Variants in PMS2 observed in about 807,000 individuals in gnomAD.
PMS2 encodes the protein mismatch repair endonuclease PMS2.
Under a neutral mutation model 90.0 loss-of-function variants are expected in PMS2, and 69 were observed. The observed-to-expected ratio is 0.77, with a 90% CI of 0.63 to 0.94. The LOEUF (loss-of-function observed/expected upper bound fraction) is 0.94, where lower values mean the gene tolerates loss of function less well. PMS2 is among the 40% of genes least tolerant of loss of function. PMS2 has a pLI of 0.00. For missense variants in PMS2, 966 were observed against 1,040.2 expected, an observed-to-expected ratio of 0.93 and a Z score of 0.98; for synonymous variants, 332 against 375.1, an observed-to-expected ratio of 0.89 and a Z score of 1.33.
In PMS2 at chr7:5,987,579, T is replaced by C. The variant is rs863224675; in HGVS notation, c.1186A>G (p.Met396Val). The C allele has an allele frequency of 6.2e-6, 10 of 1,611,580 alleles. No homozygotes were observed. Among genetic ancestry groups the C allele is most frequent in the African/African-American group, 1.3e-5 (1 of 74,870 alleles). The change falls in exon 11 of 15, where the codon ATG becomes GTG. Residue 396 changes from methionine (M) to valine (V), a missense_variant. Met to Val is a conservative substitution (Grantham distance 21, BLOSUM62 1). This residue lies in a region of PMS2 where 871 missense variants were observed against 802.4 expected (regional missense o/e 1.09). Transcript: ENST00000265849. ...KMHAADLEKP[M>V]VEKQDQSPSL... ...GGGGATTGATCCTGCTTTTCTACCA[T>C]GGGCTTTTCCAAATCCGCTGCATGC...
chr7:6,007,201 C>T (rs1170112974), intron 1 of PMS2, among the ~76,000 whole-genome samples: 4 of 151,968 alleles, frequency 2.6e-5, no homozygotes, highest in Non-Finnish European at 5.9e-5. Context: ...CTGCAACCTC[C>T]GCCTCCCAGG....
chr7:6,003,863 G>C (rs192841361), intron 3 of PMS2, 71 bp from the exon 4 acceptor site: 1 of 1,264,906 alleles, frequency 7.9e-7, no homozygotes, highest in East Asian at 2.3e-5. Context: ...ATGATATCTA[G>C]TAACTGGCTT....
chr7:6,003,715 C>A lies in PMS2; in HGVS notation c.328G>T (p.Ala110Ser), dbSNP rs767775907. The change falls in exon 4 of 15, where the codon GCT (alanine) becomes TCT (serine). Residue 110 changes from alanine to serine, a missense_variant. Ala to Ser is a moderately conservative substitution (Grantham distance 99, BLOSUM62 1). This residue lies in a region of PMS2 where 871 missense variants were observed against 802.4 expected (regional missense o/e 1.09). Transcript: ENST00000265849. ...CTCAGTGCACAAAGTGAGCTCAGAG[C>A]TTCCCCCCGAAAGCCAAAAGTTTCA... is the stretch of plus-strand genomic sequence containing the variant. The part of the protein sequence containing the change: ...QVETFGFRGE[A>S]LSSLCALSDV... 1.9e-6 allele frequency: 3 copies of A among 1,594,312 alleles called. No homozygotes were observed. Among genetic ancestry groups the A allele is most frequent in the Non-Finnish European group, 1.7e-6 (2 of 1,175,292 alleles).
intron 10 of PMS2, among the ~76,000 whole-genome samples, chr7:5,989,274 T>C (rs113187495): frequency 0.025 from 3,802 of 151,888 alleles, 87 homozygotes; most frequent in Middle Eastern, 0.13. Flanking sequence ...CTAATGACAA[T>C]ACAAACATTA....
At chr7:5,989,315 C>T (rs1051904657) in intron 10 of PMS2, among the ~76,000 whole-genome samples, 1 of 151,908 alleles carries the variant, frequency 6.6e-6, no homozygotes, top group Admixed American at 6.6e-5. Context: ...CCTGTAATCC[C>T]AGCTACTCAG....
chr7:5,986,820 T>C lies in PMS2; in HGVS notation c.1945A>G (p.Arg649Gly). ...SEGEQNYRKF[R>G]AKICPGENQA... ...TTTTCTCCAGGACAAATCTTTGCCC[T>C]AAACTTCCTGTAATTCTGTTCCCCT... The change falls in exon 11 of 15, where the codon AGG becomes GGG. Residue 649 changes from arginine to glycine, a missense_variant. By Grantham distance (125) the Arg-to-Gly change is moderately radical. Transcript: ENST00000265849. The C allele has an allele frequency of 6.2e-7, 1 of 1,613,314 alleles. No individual in the cohort carries two copies. The highest frequency in any genetic ancestry group is 8.5e-7 in the Non-Finnish European group (1 of 1,179,756).
intron 5 of PMS2, among the ~76,000 whole-genome samples, chr7:5,999,633 A>C (rs1784875738): frequency 6.8e-6 from 1 of 147,460 alleles, no homozygotes; most frequent in African/African-American, 2.5e-5. Flanking sequence ...TCTACAAAAA[A>C]TTTAAAAAAA....
At chr7:5,993,764 G>A (rs1482002308) in intron 8 of PMS2, among the ~76,000 whole-genome samples, 1 of 148,278 alleles carries the variant, frequency 6.7e-6, no homozygotes, top group Non-Finnish European at 1.5e-5. Context: ...GAGAGGCTGG[G>A]GCAGGAGAAT....
chr7:6,008,157 C>A (rs1429945560), intron 1 of PMS2, among the ~76,000 whole-genome samples: 5 of 152,064 alleles, frequency 3.3e-5, no homozygotes, highest in Non-Finnish European at 7.4e-5. Flanking sequence ...GCTCTCGGCC[C>A]ACTTCAGATA....
chr7:5,985,867 G>T (rs1172782851), intron 11 of PMS2, among the ~76,000 whole-genome samples: 1 of 133,410 alleles, frequency 7.5e-6, no homozygotes, highest in South Asian at 2.7e-4. Flanking sequence ...AGGAACTCTT[G>T]TAAGAGGCTC....
At chr7:5,996,019 A>G (rs1419865616) in intron 7 of PMS2, among the ~76,000 whole-genome samples, 1 of 152,020 alleles carries the variant, frequency 6.6e-6, no homozygotes, top group Non-Finnish European at 1.5e-5. Flanking sequence ...TGTGCTCAGA[A>G]TTTTGCCCAC....
At chr7:5,995,754 T>A in intron 7 of PMS2, 121 bp from the exon 8 acceptor site, 1 of 759,978 alleles carries the variant, frequency 1.3e-6, no homozygotes, top group South Asian at 1.4e-5. Flanking sequence ...CTGATAAGGA[T>A]CACTATTGCA....
At chr7:5,983,160 T>C (rs1224466431) in intron 11 of PMS2, among the ~76,000 whole-genome samples, 169 bp from the exon 12 acceptor site, 2 of 151,702 alleles carry the variant, frequency 1.3e-5, no homozygotes, top group Non-Finnish European at 2.9e-5. Context: ...TCACCCAGGC[T>C]ACAGTGCAAT....
intron 6 of PMS2, among the ~76,000 whole-genome samples, chr7:5,998,096 TC>T (rs1363995067): frequency 4.0e-5 from 6 of 150,862 alleles, no homozygotes; most frequent in African/African-American, 1.5e-4. Context: ...TTTTTTTTTT[TC>T]CTGGGATGGT....
rs1247123732 is a variant in PMS2, at chr7:6,003,927, T to C, written c.250+45A>G. 2.9e-6 allele frequency: 4 copies of C among 1,374,078 alleles called. No individual in the cohort carries two copies. The South Asian group carries it at 4.7e-5, about 16-fold the overall frequency. The allele number at this position is 1,374,078 out of a possible 1,614,324, so 85.1% of individuals were successfully genotyped here. ...CAGTGTTACTCAAAATTCTGAGACA[T>C]GTGACCCAATTATTTTATAATAGGA... is the stretch of plus-strand genomic sequence containing the variant. On this transcript the variant is annotated intron_variant, in intron 3 of 14. Coordinates refer to ENST00000265849, the MANE Select transcript of PMS2 (RefSeq NM_000535.7).
chr7:6,002,385 T>A (rs1183363877), intron 5 of PMS2, 68 bp downstream of exon 5: 13 of 980,622 alleles, frequency 1.3e-5, no homozygotes, highest in African/African-American at 7.9e-5. Context: ...AGAATAAACA[T>A]CTTTAGTAAA....
intron 9 of PMS2, among the ~76,000 whole-genome samples, chr7:5,990,636 TAG>T (rs1783633980): frequency 6.6e-6 from 1 of 152,208 alleles, no homozygotes; most frequent in South Asian, 2.1e-4. Context: ...TTGGTACATC[TAG>T]AACACAATAC....
In PMS2 at chr7:5,999,124, A is replaced by T. The variant is rs1583385769; in HGVS notation, c.689T>A (p.Val230Glu). 1 of 1,614,076 alleles carries T rather than the reference A, an allele frequency of 6.2e-7. No homozygotes were observed. ...CATCACTACCTGCTTCTGCCCAAAC[A>T]CAGAGCCGATATTTTCCTTTATGCT... Reference protein sequence around the residue: ...SPSIKENIGSVFGQKQLQSLI... With the variant: ...SPSIKENIGSEFGQKQLQSLI... The change falls in exon 6 of 15, where the codon GTG (valine) becomes GAG (glutamate). Residue 230 changes from valine to glutamate, a missense_variant. Physicochemically the swap from Val to Glu is moderately radical, Grantham distance 121 (BLOSUM62 -2). Transcript: ENST00000265849.
chr7:6,003,407 C>T, intron 4 of PMS2: 1 of 298,486 alleles, frequency 3.4e-6, no homozygotes, highest in Non-Finnish European at 6.2e-6. Context: ...ATAATGAAAA[C>T]CAATGGTAAC....
Sources: gnomAD v4.1 joint callset for allele counts (sites outside exome capture counted in the v4.1 genomes callset) on GRCh38, gnomAD v4.1.1 for gene constraint, gnomAD v4.1.1 regional missense constraint, MANE v1.5 for transcripts, NCBI Gene and HGNC (gene_info 2026-07-23, HGNC 2026-07-21) for gene names.